LPL: variants seen among roughly 807,000 people sequenced by gnomAD.
The protein encoded by LPL is lipoprotein lipase.
A neutral mutation model predicts 52.2 loss-of-function variants in LPL; 43 were observed. The ratio of observed to expected loss-of-function variants is 0.82; its 90% CI spans 0.64 to 1.06. The LOEUF (loss-of-function observed/expected upper bound fraction) is 1.06, where lower values mean the gene tolerates loss of function less well. Ranked by LOEUF, LPL falls within the 50% of genes least tolerant of loss-of-function variation. The pLI is 0.00. For synonymous variants in LPL, 244 were observed against 215.6 expected (o/e 1.13, Z -1.15); for missense variants, 639 against 585.3 (o/e 1.09, Z -0.95).
intron 2 of LPL, chr8:19,951,561 C>T: frequency 1.5e-6 from 1 of 655,292 alleles, no homozygotes; most frequent in Non-Finnish European, 2.7e-6. Context: ...TTCCTCAACT[C>T]AACTCAATGC....
At chr8:19,955,263 C>T (rs1416210616) in intron 5 of LPL, among the ~76,000 whole-genome samples, 2 of 152,142 alleles carry the variant, frequency 1.3e-5, no homozygotes, top group Non-Finnish European at 2.9e-5. Flanking sequence ...TTAACAATTA[C>T]CCTCTTAAGA....
chr8:19,955,550 C>T (rs572488428), intron 5 of LPL, among the ~76,000 whole-genome samples: 1 of 152,282 alleles, frequency 6.6e-6, no homozygotes, highest in African/African-American at 2.4e-5. Flanking sequence ...ACAAGGAAAT[C>T]AACCTCCACC....
At chr8:19,948,818 G>T (rs542562020) in intron 2 of LPL, among the ~76,000 whole-genome samples, 49 of 152,122 alleles carry the variant, frequency 3.2e-4, no homozygotes, top group African/African-American at 1.1e-3. Flanking sequence ...CAAGTCACTT[G>T]TCATCTCTGG....
At position 19,954,112 on chromosome 8, in the gene LPL, C is replaced by T. The variant is rs201634558; in HGVS notation, c.542-8C>T. On this transcript the variant is annotated splice_polypyrimidine_tract_variant and splice_region_variant and intron_variant, in intron 4 of 9. Coordinates refer to ENST00000650287, the MANE Select transcript of LPL (RefSeq NM_000237.3). ...CAAATCTGTGTTCCTGCTTTTTTCC[C>T]TTTTAAGGCCTCGATCCAGCTGGAC... 9.2e-5 allele frequency: 148 copies of T among 1,608,482 alleles called. No individual in the cohort carries two copies. The African/African-American group carries it at 1.7e-3, about 19-fold the overall frequency.
chr8:19,956,823 ATT>A (rs1378720870), intron 6 of LPL, among the ~76,000 whole-genome samples: 3 of 152,030 alleles, frequency 2.0e-5, no homozygotes, highest in African/African-American at 7.2e-5. Context: ...CATCTGTCTT[ATT>A]TATTTATTTA....
rs138065727 is a variant in LPL, at chr8:19,955,848, C to A, written c.783C>A (p.Asp261Glu). ...VIAERGLGDVDQLVKCSHERS... is the reference protein window; with the variant it reads ...VIAERGLGDVEQLVKCSHERS... ...TGTCTCTTTTTTACCCAGATGTGGA[C>A]CAGCTAGTGAAGTGCTCCCACGAGC... is the stretch of plus-strand genomic sequence containing the variant. Residue 261 changes from aspartate (D) to glutamate (E), a missense_variant, in exon 6 of 10, where the codon GAC (aspartate) becomes GAA (glutamate). Asp to Glu is a conservative substitution (Grantham distance 45). Coordinates refer to ENST00000650287, the MANE Select transcript of LPL (RefSeq NM_000237.3). 1 of 1,614,044 alleles carries A rather than the reference C, an allele frequency of 6.2e-7. No individual in the cohort carries two copies. Among genetic ancestry groups the A allele is most frequent in the Non-Finnish European group, 8.5e-7 (1 of 1,180,042 alleles).
Position 19,956,073 on chromosome 8 carries a change from G to A in LPL, c.1008G>A (p.Met336Ile), listed in dbSNP as rs751464850. ...SKMYLKTRSQ[M>I]PYKVFHYQVK... The stretch of plus-strand genomic sequence containing the variant: ...TGTACCTGAAGACTCGTTCTCAGAT[G>A]CCCTACAAAGGTAGGCTGGAGACTG... The change falls in exon 6 of 10, where the codon ATG (methionine) becomes ATA (isoleucine). Residue 336 changes from methionine (M) to isoleucine (I), a missense_variant. Met to Ile is a conservative substitution (Grantham distance 10, BLOSUM62 1). Transcript: ENST00000650287. 1.2e-6 allele frequency: 2 copies of A among 1,614,130 alleles called. No individual in the cohort carries two copies. Among genetic ancestry groups the A allele is most frequent in the Admixed American group, 3.3e-5 (2 of 60,026 alleles).
chr8:19,954,409 C>G, intron 5 of LPL, 56 bp downstream of exon 5: 1 of 1,509,702 alleles, frequency 6.6e-7, no homozygotes, highest in Admixed American at 1.7e-5. Flanking sequence ...CCCTTATTGA[C>G]CCAATGTCCT....
rs149247646 is a variant in LPL at position 19,956,046 on chromosome 8, A to G, written c.981A>G (p.Lys327=). 7.4e-6 allele frequency: 12 copies of G among 1,614,100 alleles called. No homozygotes were observed. In the African/African-American group the frequency reaches 1.6e-4, roughly 22 times the overall value. ...INKVRAKRSS[K]MYLKTRSQMP... Reference sequence around the variant, plus strand: ...AAGTCAGAGCCAAAAGAAGCAGCAAAATGTACCTGAAGACTCGTTCTCAGA... The same window carrying G: ...AAGTCAGAGCCAAAAGAAGCAGCAAGATGTACCTGAAGACTCGTTCTCAGA... The change falls in exon 6 of 10, where the codon AAA becomes AAG. Residue 327 remains lysine (K), a synonymous_variant. Coordinates refer to ENST00000650287, the MANE Select transcript of LPL (RefSeq NM_000237.3).
At position 19,962,656 on chromosome 8, in the gene LPL, C is replaced by T. The variant is rs541951694; in HGVS notation, c.1427+437C>T. Among the ~76,000 whole-genome samples, 4 of 152,328 alleles carry T rather than the reference C, an allele frequency of 2.6e-5. No individual in the cohort carries two copies. The South Asian group carries it at 8.3e-4, about 32-fold the overall frequency. On this transcript the variant is annotated intron_variant, in intron 9 of 9. Coordinates refer to ENST00000650287, the MANE Select transcript of LPL (RefSeq NM_000237.3). ...GAAGTAAAAAGATCTCACTGCATCA[C>T]CTGCAGCCACATAGTTCTTGATTCT...
chr8:19,945,002 C>T (rs1414492935), intron 1 of LPL, among the ~76,000 whole-genome samples: 12 of 152,060 alleles, frequency 7.9e-5, no homozygotes, highest in Admixed American at 7.9e-4. Context: ...TCCTTCCTTC[C>T]CTCCATCCCT....
rs34500595 is a variant in LPL, at chr8:19,959,463, C to T, written c.1139+83C>T. ...TGGTCTGAGCAGCAGAAGCAGAGAG[C>T]GATGCCTAGAAAACAAGTCTTTAGT... On this transcript the variant is annotated intron_variant, in intron 7 of 9. Transcript: ENST00000650287. 295 of 1,515,478 alleles carry T rather than the reference C, an allele frequency of 1.9e-4. 3 individuals carry two copies. In the South Asian group the frequency reaches 3.1e-3, roughly 16 times the overall value. The allele number at this position is 1,515,478 out of a possible 1,614,324, so 93.9% of individuals were successfully genotyped here.
chr8:19,939,600 GAGA>G lies in LPL; in HGVS notation c.88+78_88+80del, dbSNP rs746676886. 22 of 1,473,462 alleles carry G rather than the reference GAGA, an allele frequency of 1.5e-5. No homozygotes were observed. Among genetic ancestry groups the G allele is most frequent in the Admixed American group, 3.9e-5 (2 of 51,354 alleles). 91.3% of individuals were successfully genotyped at this position (1,473,462 alleles called of 1,614,324 possible). On this transcript the variant is annotated intron_variant, in intron 1 of 9. Transcript: ENST00000650287. This position sits in a 1 kb window ranked among gnomAD's most constrained non-coding sequence, Gnocchi z 4.0. ...GGCCACTGCCACCCGAACTGAGGAT[GAGA>G]AGAAGGAAGTTGGAAGGGGCGGTGG...
chr8:19,960,850 C>A, intron 7 of LPL, 51 bp from the exon 8 acceptor site: 1 of 1,343,134 alleles, frequency 7.4e-7, no homozygotes, highest in Non-Finnish European at 1.1e-6. Flanking sequence ...AAGTGGGGGG[C>A]AGGGAGAGCT....
At position 19,939,478 on chromosome 8, in the gene LPL, T is replaced by G. The variant is rs755056538; in HGVS notation, c.38T>G (p.Val13Gly). Residue 13 changes from valine (V) to glycine (G), a missense_variant, in exon 1 of 10, where the codon GTG (valine) becomes GGG (glycine). By Grantham distance (109) the Val-to-Gly change is moderately radical (BLOSUM62 -3). Coordinates refer to ENST00000650287, the MANE Select transcript of LPL (RefSeq NM_000237.3). The surrounding 1 kb of genome is among the most constrained non-coding windows in gnomAD (Gnocchi z 4.0). ...GCCCTGCTCGTGCTGACTCTGGCCG[T>G]GTGGCTCCAGAGTCTGACCGCCTCC... ...SKALLVLTLA[V>G]WLQSLTASRG... 1 of 1,610,634 alleles carries G rather than the reference T, an allele frequency of 6.2e-7. No individual in the cohort carries two copies.
chr8:19,952,239 T>C (rs559378505), intron 3 of LPL, among the ~76,000 whole-genome samples: 1 of 152,364 alleles, frequency 6.6e-6, no homozygotes, highest in South Asian at 2.1e-4. Context: ...CTTGTGATTT[T>C]CGGACAGAGG....
At chr8:19,941,510 C>T (rs1466037196) in intron 1 of LPL, among the ~76,000 whole-genome samples, 1 of 152,186 alleles carries the variant, frequency 6.6e-6, no homozygotes, top group African/African-American at 2.4e-5. Context: ...TGGTGTAACT[C>T]TTGCCTCTTT....
chr8:19,959,060 T>C (rs964665135), intron 6 of LPL, among the ~76,000 whole-genome samples, 200 bp from the exon 7 acceptor site: 2 of 151,978 alleles, frequency 1.3e-5, no homozygotes, highest in Admixed American at 1.3e-4. Context: ...TGAAAGGGAG[T>C]AGAATTCAAG....
intron 7 of LPL, among the ~76,000 whole-genome samples, chr8:19,959,610 C>T (rs1405221224): frequency 1.3e-5 from 2 of 151,860 alleles, no homozygotes; most frequent in African/African-American, 4.8e-5. Context: ...CATCTTATAT[C>T]TGTTTATTTC....
Sources: gnomAD v4.1 joint callset for allele counts (sites outside exome capture counted in the v4.1 genomes callset) on GRCh38, gnomAD v4.1.1 for gene constraint, Gnocchi (gnomAD v3.1) non-coding constraint, MANE v1.5 for transcripts, NCBI Gene and HGNC (gene_info 2026-07-23, HGNC 2026-07-21) for gene names.